Variants in CSNK2A2IP observed in about 807,000 individuals in gnomAD.
The protein encoded by CSNK2A2IP is casein kinase II subunit alpha'-interacting protein.
the CSNK2A2IP span, among the ~76,000 whole-genome samples, chr3:88,451,697 T>C: frequency 1.3e-5 from 2 of 151,376 alleles, no homozygotes; most frequent in South Asian, 2.1e-4. Context: ...TGAGTTAAAA[T>C]TTTTTTATAT....
chr3:88,344,643 A>T, the CSNK2A2IP span, among the ~76,000 whole-genome samples: 2 of 152,094 alleles, frequency 1.3e-5, no homozygotes, highest in Admixed American at 1.3e-4. Context: ...ACTGACAGTC[A>T]TTTAAATTTG....
At chr3:88,417,137 T>A in the CSNK2A2IP span, among the ~76,000 whole-genome samples, 1 of 152,104 alleles carries the variant, frequency 6.6e-6, no homozygotes, top group Admixed American at 6.6e-5. Context: ...CTGCTTTTAG[T>A]TTATATACTG....
the CSNK2A2IP span, among the ~76,000 whole-genome samples, chr3:88,358,508 ACT>A: frequency 6.9e-6 from 1 of 145,428 alleles, no homozygotes; most frequent in Non-Finnish European, 1.5e-5. Flanking sequence ...TTCCTTTTAT[ACT>A]CTGTTTGTTG....
chr3:88,352,064 T>G, the CSNK2A2IP span, among the ~76,000 whole-genome samples: 1 of 152,194 alleles, frequency 6.6e-6, no homozygotes, highest in Admixed American at 6.5e-5. Flanking sequence ...GAATATTGTG[T>G]GGTCAGACTC....
At chr3:88,354,794 C>G in the CSNK2A2IP span, among the ~76,000 whole-genome samples, 36 of 152,218 alleles carry the variant, frequency 2.4e-4, no homozygotes, top group Non-Finnish European at 5.0e-4. Flanking sequence ...ATACTAAAGT[C>G]TTCCAAGTAA....
At chr3:88,443,109 T>C in the CSNK2A2IP span, among the ~76,000 whole-genome samples, 1 of 152,144 alleles carries the variant, frequency 6.6e-6, no homozygotes, top group Non-Finnish European at 1.5e-5. Context: ...CACAGATGTA[T>C]GAGCTTTCAA....
chr3:88,383,724 C>T, the CSNK2A2IP span, among the ~76,000 whole-genome samples: 2 of 131,796 alleles, frequency 1.5e-5, no homozygotes, highest in Admixed American at 8.6e-5. Flanking sequence ...AGCGCAGTGG[C>T]GCGATCTCAG....
chr3:88,357,402 T>C, the CSNK2A2IP span, among the ~76,000 whole-genome samples: 1 of 152,184 alleles, frequency 6.6e-6, no homozygotes, highest in Non-Finnish European at 1.5e-5. Flanking sequence ...ATTTTATTCA[T>C]GGGTTCTGTT....
the CSNK2A2IP span, among the ~76,000 whole-genome samples, chr3:88,345,443 T>G: frequency 6.6e-6 from 1 of 152,030 alleles, no homozygotes; most frequent in East Asian, 1.9e-4. Context: ...TACATTTTTA[T>G]AAATTGAAGG....
At chr3:88,355,806 G>C in the CSNK2A2IP span, among the ~76,000 whole-genome samples, 1 of 152,080 alleles carries the variant, frequency 6.6e-6, no homozygotes, top group Non-Finnish European at 1.5e-5. Flanking sequence ...TAATGGTCTT[G>C]TGTGGGCAAA....
the CSNK2A2IP span, among the ~76,000 whole-genome samples, chr3:88,402,368 A>G: frequency 6.6e-6 from 1 of 152,056 alleles, no homozygotes; most frequent in Admixed American, 6.6e-5. Flanking sequence ...GGCAATATCT[A>G]CTTAAATTGA....
the CSNK2A2IP span, among the ~76,000 whole-genome samples, chr3:88,446,052 T>C: frequency 6.0e-4 from 66 of 110,748 alleles, 2 homozygotes; most frequent in South Asian, 5.8e-4. Context: ...CTTTCTTTCT[T>C]TCTTTCTTTC....
the CSNK2A2IP span, among the ~76,000 whole-genome samples, chr3:88,359,795 C>T: frequency 6.6e-6 from 1 of 151,988 alleles, no homozygotes; most frequent in Non-Finnish European, 1.5e-5. Context: ...TAAGGTATGT[C>T]CTTGAGAATG....
the CSNK2A2IP span, chr3:88,467,118 C>A: frequency 2.2e-6 from 1 of 446,154 alleles, no homozygotes; most frequent in African/African-American, 2.0e-5. Context: ...AAGTTATAGG[C>A]CAACAGCCCC....
chr3:88,440,492 A>T, the CSNK2A2IP span, among the ~76,000 whole-genome samples: 2 of 152,180 alleles, frequency 1.3e-5, no homozygotes, highest in East Asian at 3.8e-4. Context: ...CAAAGAATAT[A>T]TATAGGAAAG....
At chr3:88,370,649 T>C in the CSNK2A2IP span, among the ~76,000 whole-genome samples, 1 of 151,462 alleles carries the variant, frequency 6.6e-6, no homozygotes, top group East Asian at 2.0e-4. Flanking sequence ...CTCTCTCTTC[T>C]TTCTTTCTTC....
the CSNK2A2IP span, among the ~76,000 whole-genome samples, chr3:88,354,788 T>C: frequency 1.3e-5 from 2 of 152,162 alleles, no homozygotes; most frequent in Non-Finnish European, 2.9e-5. Flanking sequence ...AAAGATATAC[T>C]AAAGTCTTCC....
At chr3:88,466,402 T>A in the CSNK2A2IP span, 3 of 1,231,876 alleles carry the variant, frequency 2.4e-6, no homozygotes, top group Non-Finnish European at 3.0e-6. Context: ...GAATACCACT[T>A]CACCAAATGG....
the CSNK2A2IP span, among the ~76,000 whole-genome samples, chr3:88,374,704 C>T: frequency 6.6e-6 from 1 of 151,626 alleles, no homozygotes; most frequent in South Asian, 2.1e-4. Flanking sequence ...TACATTATTT[C>T]CTCACAAGTT....
Sources: allele counts gnomAD v4.1 joint callset (sites outside exome capture counted in the v4.1 genomes callset), GRCh38; gene constraint gnomAD v4.1.1; transcripts MANE v1.5; gene names NCBI Gene and HGNC (gene_info 2026-07-23, HGNC 2026-07-21).